Variants in VCPKMT observed in about 807,000 individuals in gnomAD.
VCPKMT encodes the protein valosin containing protein lysine methyltransferase, also known as protein N-lysine methyltransferase METTL21D.
Under a neutral mutation model 28.6 loss-of-function variants are expected in VCPKMT, and 32 were observed. The ratio of observed to expected loss-of-function variants is 1.12; its 90% CI spans 0.84 to 1.50. The LOEUF (loss-of-function observed/expected upper bound fraction) is 1.50, where lower values mean the gene tolerates loss of function less well. VCPKMT is among the 40% of genes most tolerant of loss of function. VCPKMT has a pLI of 0.00. For missense variants in VCPKMT, 366 were observed against 285.0 expected (o/e 1.28, Z -2.05); for synonymous variants, 138 against 111.4 (o/e 1.24, Z -1.50).
rs138549980 is a variant in VCPKMT, at chr14:50,109,417, C to G, written c.*282G>C. ...GGCAGATTTCAGCCTCGCCTCAATA[C>G]CAATTTTTATTTGAATAACTGATTC... On this transcript the variant is annotated 3_prime_UTR_variant, in exon 6 of 6. Transcript: ENST00000395860. The G allele has an allele frequency of 1.5e-4, 176 of 1,150,802 alleles. No individual in the cohort carries two copies. The East Asian group carries it at 5.9e-3, about 39-fold the overall frequency. 71.3% of individuals were successfully genotyped at this position (1,150,802 alleles called of 1,614,324 possible). A position where few individuals can be genotyped will look rare whatever the true frequency, so the allele number is the denominator to read the frequency against.
At chr14:50,114,465 G>T in intron 3 of VCPKMT, 61 bp from the exon 4 acceptor site, 1 of 1,222,260 alleles carries the variant, frequency 8.2e-7, no homozygotes, top group Non-Finnish European at 1.1e-6. Flanking sequence ...TCTAAAAGTA[G>T]GTTGAGGAGG....
At chr14:50,111,790 G>C in intron 5 of VCPKMT, 2 of 657,114 alleles carry the variant, frequency 3.0e-6, no homozygotes, top group Non-Finnish European at 3.8e-6. Context: ...GGAGGCTGAG[G>C]TGGGAGGATC....
chr14:50,105,289 G>A (rs985991266), downstream of VCPKMT, among the ~76,000 whole-genome samples: 1 of 152,160 alleles, frequency 6.6e-6, no homozygotes, highest in African/African-American at 2.4e-5. Context: ...AAGATATGCT[G>A]TGTATAAAAA....
chr14:50,111,489 G>C, intron 5 of VCPKMT: 1 of 985,398 alleles, frequency 1.0e-6, no homozygotes, highest in African/African-American at 1.7e-5. Context: ...GATAGAAAAA[G>C]TGTGGGCTTA....
At chr14:50,104,935 CAGAA>C (rs568009018), downstream of VCPKMT, among the ~76,000 whole-genome samples, 562 of 152,030 alleles carry the variant, frequency 3.7e-3, 2 homozygotes, top group African/African-American at 0.012. Context: ...AAAGGCATAT[CAGAA>C]AGAAACAGAA....
Position 50,114,379 on chromosome 14 carries a change from AG to A in VCPKMT, c.475del (p.Leu159Ter), listed in dbSNP as rs1882951364. On this transcript the variant is annotated frameshift_variant, in exon 4 of 6. Transcript: ENST00000395860. LOFTEE classifies it high-confidence loss of function. ...EESLEPLLKT[L>X]KDISGFETCI... ...AGTTTCAAATCCGCTGATATCTTTTAGAGTTTTCAGCAATGGCTCCAAAGAC... is the reference window on the plus strand; with the variant it reads ...AGTTTCAAATCCGCTGATATCTTTTAAGTTTTCAGCAATGGCTCCAAAGAC... The A allele has an allele frequency of 1.3e-6, 2 of 1,568,104 alleles. No individual in the cohort carries two copies. The highest frequency in any genetic ancestry group is 3.8e-5 in the Admixed American group (2 of 52,236).
At chr14:50,114,834 A>G (rs1413448079) in intron 3 of VCPKMT, among the ~76,000 whole-genome samples, 3 of 152,184 alleles carry the variant, frequency 2.0e-5, no homozygotes, top group Non-Finnish European at 4.4e-5. Flanking sequence ...TGTGTGACAG[A>G]GCAAGACCCC....
chr14:50,109,630 T>G lies in VCPKMT; in HGVS notation c.*69A>C. Reference sequence around the variant, plus strand: ...GTGAACACAATCTTCCCATGCTGTATTCACATGCTCTATTCACATCTTTAG... The same window carrying G: ...GTGAACACAATCTTCCCATGCTGTAGTCACATGCTCTATTCACATCTTTAG... On this transcript the variant is annotated 3_prime_UTR_variant, in exon 6 of 6. Transcript: ENST00000395860. 2 of 1,540,640 alleles carry G rather than the reference T, an allele frequency of 1.3e-6. No individual in the cohort carries two copies. The highest frequency in any genetic ancestry group is 2.5e-5 in the South Asian group (2 of 80,122).
At chr14:50,106,488 G>A (rs1193351456), downstream of VCPKMT, 24 of 936,144 alleles carry the variant, frequency 2.6e-5, no homozygotes, top group Admixed American at 6.2e-5. Context: ...CCTCCTTCAT[G>A]TTGTTGCAGA....
At chr14:50,115,628 C>T (rs1454800235) in intron 3 of VCPKMT, among the ~76,000 whole-genome samples, 1 of 152,212 alleles carries the variant, frequency 6.6e-6, no homozygotes, top group Non-Finnish European at 1.5e-5. Context: ...ATGCATATAA[C>T]ACTTTTCTCA....
At position 50,109,102 on chromosome 14, in the gene VCPKMT, A is replaced by T; in HGVS notation, c.*597T>A. On this transcript the variant is annotated 3_prime_UTR_variant, in exon 6 of 6. Coordinates refer to ENST00000395860, the MANE Select transcript of VCPKMT (RefSeq NM_024558.3). ...TAAATCACATAGATATGTATGGTGG[A>T]GGAAAAGAAAACTTTGGCTAATATA... 3.1e-6 allele frequency: 3 copies of T among 973,920 alleles called. No individual in the cohort carries two copies. Among genetic ancestry groups the T allele is most frequent in the Non-Finnish European group, 3.7e-6 (3 of 819,368 alleles). The allele number at this position is 973,920 out of a possible 1,614,324, so 60.3% of individuals were successfully genotyped here. A position where few individuals can be genotyped will look rare whatever the true frequency, so the allele number is the denominator to read the frequency against.
chr14:50,105,514 C>G (rs1882288007), downstream of VCPKMT, among the ~76,000 whole-genome samples: 1 of 152,082 alleles, frequency 6.6e-6, no homozygotes, highest in Non-Finnish European at 1.5e-5. Flanking sequence ...GCCTGTAATC[C>G]CAACTATTTC....
chr14:50,114,479 A>G (rs1444734254), intron 3 of VCPKMT, 75 bp from the exon 4 acceptor site: 3 of 1,070,090 alleles, frequency 2.8e-6, no homozygotes, highest in African/African-American at 3.3e-5. Flanking sequence ...GAGGAGGTAC[A>G]GGGGTATTTA....
Position 50,116,545 on chromosome 14 carries a change from T to C in VCPKMT, c.8A>G (p.Asp3Gly), listed in dbSNP as rs1380855430. Residue 3 changes from aspartate (D) to glycine (G), a missense_variant, in exon 1 of 6, where the codon GAT becomes GGT. Coordinates refer to ENST00000395860, the MANE Select transcript of VCPKMT (RefSeq NM_024558.3). ...GTCCTCCAGCGAGGACTCCAGCGTATCCGCCATTGCGCCCGGCAACAGAAA... is the reference window on the plus strand; with the variant it reads ...GTCCTCCAGCGAGGACTCCAGCGTACCCGCCATTGCGCCCGGCAACAGAAA... Reference protein sequence around the residue: MADTLESSLEDPL... With the variant: MAGTLESSLEDPL... 3 of 1,606,012 alleles carry C rather than the reference T, an allele frequency of 1.9e-6. No individual in the cohort carries two copies. In the African/African-American group the frequency reaches 4.0e-5, roughly 21 times the overall value.
chr14:50,113,774 T>C (rs1156470953), intron 4 of VCPKMT, among the ~76,000 whole-genome samples: 10 of 108,150 alleles, frequency 9.2e-5, no homozygotes, highest in African/African-American at 2.9e-4. Flanking sequence ...TACATGCCTA[T>C]AGTCCCACTT....
chr14:50,104,948 A>G (rs1882273371), downstream of VCPKMT, among the ~76,000 whole-genome samples: 2 of 152,150 alleles, frequency 1.3e-5, no homozygotes, highest in Non-Finnish European at 2.9e-5. Flanking sequence ...AAAGAAACAG[A>G]AAGATAAACC....
chr14:50,104,145 T>A (rs949352959), downstream of VCPKMT, among the ~76,000 whole-genome samples: 4 of 152,236 alleles, frequency 2.6e-5, no homozygotes, highest in African/African-American at 9.6e-5. Context: ...GACACTGTTT[T>A]CAGAATGCAC....
At chr14:50,111,303 G>A (rs1321900293) in intron 5 of VCPKMT, 1 of 984,624 alleles carries the variant, frequency 1.0e-6, no homozygotes, top group East Asian at 1.1e-4. Flanking sequence ...GCACAAAACA[G>A]TTTTTTTTGT....
rs757290430 is a variant in VCPKMT at position 50,116,546 on chromosome 14, C to T, written c.7G>A (p.Asp3Asn). 2 of 1,605,798 alleles carry T rather than the reference C, an allele frequency of 1.2e-6. No homozygotes were observed. The highest frequency in any genetic ancestry group is 1.7e-5 in the Admixed American group (1 of 59,666). Residue 3 changes from aspartate to asparagine, a missense_variant, in exon 1 of 6, where the codon GAT (aspartate) becomes AAT (asparagine). Coordinates refer to ENST00000395860, the MANE Select transcript of VCPKMT (RefSeq NM_024558.3). Reference protein sequence around the residue: MADTLESSLEDPL... With the variant: MANTLESSLEDPL... ...TCCTCCAGCGAGGACTCCAGCGTAT[C>T]CGCCATTGCGCCCGGCAACAGAAAG...
Sources: gnomAD v4.1 joint callset for allele counts (sites outside exome capture counted in the v4.1 genomes callset) on GRCh38, gnomAD v4.1.1 for gene constraint, MANE v1.5 for transcripts, NCBI Gene and HGNC (gene_info 2026-07-23, HGNC 2026-07-21) for gene names.